Variants in SIPA1L2 observed in about 807,000 individuals in gnomAD.
SIPA1L2 encodes signal-induced proliferation-associated 1-like protein 2.
In SIPA1L2, 56 loss-of-function variants were observed where a neutral mutation model predicts 163.9. The ratio of observed to expected loss-of-function variants is 0.34; its 90% confidence interval spans 0.28 to 0.43. The LOEUF is 0.43. Ranked by LOEUF, SIPA1L2 falls within the 20% of genes least tolerant of loss-of-function variation. The pLI, the probability that SIPA1L2 is intolerant of heterozygous loss-of-function variation, is 1.00. For synonymous variants in SIPA1L2, 877 were observed against 865.7 expected, an observed-to-expected ratio of 1.01 and a Z score of -0.23; for missense variants, 1,974 against 2,193.5, an observed-to-expected ratio of 0.90 and a Z score of 2.00.
At position 232,425,689 on chromosome 1, in the gene SIPA1L2, G is replaced by A. The variant is rs768861615; in HGVS notation, c.4530C>T (p.Asp1510=). The change falls in exon 18 of 23, where the codon GAC becomes GAT. Residue 1510 remains aspartate (D), a synonymous_variant. Coordinates refer to ENST00000674635, the MANE Select transcript of SIPA1L2 (RefSeq NM_020808.5). The stretch of plus-strand genomic sequence containing the variant: ...ACAGAATGTCGTTGGGCAGGGCCTG[G>A]TCAAGCACGGAACTCCGGGAACTGC... The part of the protein sequence containing the change: ...SFGSSRSSVL[D]QALPNDILFS... 3 of 1,613,966 alleles carry A rather than the reference G, an allele frequency of 1.9e-6. No individual in the cohort carries two copies. In the Admixed American group the frequency reaches 5.0e-5, roughly 27 times the overall value.
chr1:232,630,151 T>C (rs943493619), upstream of SIPA1L2, among the ~76,000 whole-genome samples: 1 of 151,188 alleles, frequency 6.6e-6, no homozygotes, highest in Non-Finnish European at 1.5e-5. Flanking sequence ...CGGCTCCCGA[T>C]GCCACCGCCC....
At position 232,445,590 on chromosome 1, in the gene SIPA1L2, G is replaced by T. The variant is rs1305939072; in HGVS notation, c.3292C>A (p.Gln1098Lys). ...DRLPCQQLLQ[Q>K]AQAAIPRSTS... ...CTTCGAGGAATGGCAGCCTGGGCCT[G>T]CTGGAGCAGCTGTTGGCACGGCAGC... Residue 1098 changes from glutamine (Q) to lysine (K), a missense_variant, in exon 11 of 23, where the codon CAG (glutamine) becomes AAG (lysine). By Grantham distance (53) the Gln-to-Lys change is moderately conservative. This residue lies in a region of SIPA1L2 where 1,079 missense variants were observed against 1,150.7 expected (regional missense o/e 0.94). Coordinates refer to ENST00000674635, the MANE Select transcript of SIPA1L2 (RefSeq NM_020808.5). 4 of 1,613,978 alleles carry T rather than the reference G, an allele frequency of 2.5e-6. No individual in the cohort carries two copies. The highest frequency in any genetic ancestry group is 3.3e-5 in the Admixed American group (2 of 60,028).
chr1:232,466,617 C>T (rs370868912), intron 8 of SIPA1L2, among the ~76,000 whole-genome samples: 5 of 152,002 alleles, frequency 3.3e-5, no homozygotes, highest in African/African-American at 9.7e-5. Flanking sequence ...GGTGAAACCC[C>T]GTCTCTATTA....
intron 10 of SIPA1L2, among the ~76,000 whole-genome samples, chr1:232,449,540 A>G (rs963413232): frequency 4.6e-5 from 7 of 150,966 alleles, no homozygotes; most frequent in Non-Finnish European, 7.4e-5. Flanking sequence ...AAAAAAAATT[A>G]AGGAAACTGA....
intron 3 of SIPA1L2, among the ~76,000 whole-genome samples, chr1:232,499,602 G>A (rs1376646583): frequency 6.6e-6 from 1 of 152,256 alleles, no homozygotes; most frequent in Non-Finnish European, 1.5e-5. Flanking sequence ...GTAAGTGCAA[G>A]GTGAAGTAGC....
chr1:232,495,715 C>A (rs1053383154), intron 3 of SIPA1L2, among the ~76,000 whole-genome samples: 4 of 152,088 alleles, frequency 2.6e-5, no homozygotes, highest in African/African-American at 9.7e-5. Flanking sequence ...ACACATATAC[C>A]AATGGTGGTC....
intron 3 of SIPA1L2, among the ~76,000 whole-genome samples, chr1:232,500,489 T>G (rs1216517744): frequency 6.6e-6 from 1 of 152,178 alleles, no homozygotes; most frequent in East Asian, 1.9e-4. Flanking sequence ...ATTTAGAAGG[T>G]GGCTCCAACC....
chr1:232,534,312 G>T (rs956696360), intron 2 of SIPA1L2, among the ~76,000 whole-genome samples: 2 of 152,196 alleles, frequency 1.3e-5, no homozygotes, highest in Non-Finnish European at 2.9e-5. Flanking sequence ...TCAACAAATG[G>T]TGCTGGGAAA....
At chr1:232,593,723 ACG>A (rs1661085824) in intron 1 of SIPA1L2, among the ~76,000 whole-genome samples, 1 of 152,140 alleles carries the variant, frequency 6.6e-6, no homozygotes, top group South Asian at 2.1e-4. Flanking sequence ...AGTAACACAC[ACG>A]CACACACAAA....
At chr1:232,572,903 C>A (rs1056179119) in intron 2 of SIPA1L2, among the ~76,000 whole-genome samples, 1 of 151,776 alleles carries the variant, frequency 6.6e-6, no homozygotes, top group Admixed American at 6.6e-5. Context: ...CTCAGCCTCC[C>A]AAGTAGCTGG....
chr1:232,602,257 G>A (rs1468744172), intron 1 of SIPA1L2, among the ~76,000 whole-genome samples: 3 of 152,190 alleles, frequency 2.0e-5, no homozygotes, highest in African/African-American at 7.2e-5. Flanking sequence ...TGTGGGAGGA[G>A]AGGGGAGGCT....
chr1:232,624,662 T>G (rs1255974254), intron 1 of SIPA1L2, among the ~76,000 whole-genome samples: 1 of 152,238 alleles, frequency 6.6e-6, no homozygotes, highest in Non-Finnish European at 1.5e-5. Context: ...TCTGATTTCT[T>G]GAGGAACTCA....
At chr1:232,536,974 G>A (rs142549402) in intron 2 of SIPA1L2, among the ~76,000 whole-genome samples, 103 of 152,292 alleles carry the variant, frequency 6.8e-4, no homozygotes, top group African/African-American at 1.8e-3. Flanking sequence ...GGTGGCTCAC[G>A]TCTATAATCT....
chr1:232,550,668 C>G (rs1288299926), intron 2 of SIPA1L2, among the ~76,000 whole-genome samples: 1 of 152,188 alleles, frequency 6.6e-6, no homozygotes, highest in African/African-American at 2.4e-5. Flanking sequence ...GTATCCAACA[C>G]TACTGTCTTC....
intron 17 of SIPA1L2, 88 bp from the exon 18 acceptor site, chr1:232,425,896 T>G: frequency 8.6e-7 from 1 of 1,163,958 alleles, no homozygotes; most frequent in Non-Finnish European, 1.2e-6. Flanking sequence ...TGGTTTCACA[T>G]ACTATTGTGA....
intron 18 of SIPA1L2, among the ~76,000 whole-genome samples, chr1:232,425,120 C>T (rs1017774610): frequency 1.3e-5 from 2 of 152,176 alleles, no homozygotes; most frequent in African/African-American, 4.8e-5. Context: ...GCCCAGTCTA[C>T]AAGCCAGGTC....
chr1:232,517,069 G>T (rs887709455), intron 2 of SIPA1L2, among the ~76,000 whole-genome samples: 3 of 151,970 alleles, frequency 2.0e-5, no homozygotes, highest in Non-Finnish European at 2.9e-5. Flanking sequence ...TATTTCCAGG[G>T]GTCTTTATTT....
At chr1:232,630,343 G>T (rs1429570200), upstream of SIPA1L2, among the ~76,000 whole-genome samples, 2 of 152,040 alleles carry the variant, frequency 1.3e-5, no homozygotes, top group East Asian at 2.0e-4. Flanking sequence ...TGCGCGTCCA[G>T]GAGGGGCCCG....
chr1:232,555,906 T>C lies in SIPA1L2; in HGVS notation c.-270+18268A>G, dbSNP rs180838500. Among the ~76,000 whole-genome samples the C allele has an allele frequency of 4.4e-3, 667 of 152,320 alleles. 5 individuals carry two copies. The highest frequency in any genetic ancestry group is 0.015 in the African/African-American group (613 of 41,576). On this transcript the variant is annotated intron_variant, in intron 2 of 22. Transcript: ENST00000674635. Reference sequence around the variant, plus strand: ...CAAGGGTATTAACTGAAAAGTTGCTTCCCTAGCAACCTCCACATTGCAACA... The same window carrying C: ...CAAGGGTATTAACTGAAAAGTTGCTCCCCTAGCAACCTCCACATTGCAACA...
Sources: gnomAD v4.1 joint callset for allele counts (sites outside exome capture counted in the v4.1 genomes callset) on GRCh38, gnomAD v4.1.1 for gene constraint, gnomAD v4.1.1 regional missense constraint, MANE v1.5 for transcripts, NCBI Gene and HGNC (gene_info 2026-07-23, HGNC 2026-07-21) for gene names.